Variants in ZBTB7C observed in about 807,000 individuals in gnomAD.
ZBTB7C encodes the protein zinc finger and BTB domain containing 7C.
ZBTB7C carries 8 observed loss-of-function variants against 25.7 expected under a neutral mutation model. The observed-to-expected ratio is 0.31, with a 90% CI of 0.18 to 0.56. ZBTB7C has a LOEUF of 0.56. Ranked by LOEUF, ZBTB7C falls within the 20% of genes least tolerant of loss-of-function variation. The pLI, the probability that ZBTB7C is intolerant of heterozygous loss-of-function variation, is 0.91. For synonymous variants in ZBTB7C, 394 were observed against 369.0 expected (o/e 1.07, Z -0.78); for missense variants, 824 against 855.2 (o/e 0.96, Z 0.46).
At chr18:48,081,205 A>G (rs1309455702) in intron 3 of ZBTB7C, among the ~76,000 whole-genome samples, 1 of 152,236 alleles carries the variant, frequency 6.6e-6, no homozygotes, top group Non-Finnish European at 1.5e-5. Context: ...GTCTCCAGAC[A>G]GTCAACAGCC....
chr18:48,220,009 A>G (rs988519585), intron 2 of ZBTB7C, among the ~76,000 whole-genome samples: 2 of 152,170 alleles, frequency 1.3e-5, no homozygotes, highest in African/African-American at 4.8e-5. Context: ...ATTTGTCCCA[A>G]AGACTTCTGT....
intron 2 of ZBTB7C, among the ~76,000 whole-genome samples, chr18:48,187,405 C>T (rs1021828108): frequency 6.6e-6 from 1 of 152,156 alleles, no homozygotes; most frequent in African/African-American, 2.4e-5. Flanking sequence ...ATACAGGCTA[C>T]AGCATGGATG....
chr18:48,262,594 A>C (rs1403299604), intron 2 of ZBTB7C, among the ~76,000 whole-genome samples: 8 of 152,228 alleles, frequency 5.3e-5, no homozygotes, highest in Non-Finnish European at 7.3e-5. Context: ...TAAGCCCTAC[A>C]GACTTACTTT....
intron 2 of ZBTB7C, among the ~76,000 whole-genome samples, chr18:48,303,815 C>T (rs1184085218): frequency 6.6e-6 from 1 of 152,204 alleles, no homozygotes; most frequent in African/African-American, 2.4e-5. Flanking sequence ...ATCCCTTTTT[C>T]AAGGTGAAAC....
intron 2 of ZBTB7C, among the ~76,000 whole-genome samples, chr18:48,303,412 T>C (rs1400338079): frequency 1.3e-5 from 2 of 152,194 alleles, no homozygotes; most frequent in South Asian, 4.1e-4. Context: ...TGCTATATGG[T>C]GTGACAGCAA....
intron 1 of ZBTB7C, among the ~76,000 whole-genome samples, chr18:48,379,092 T>C (rs1035619160): frequency 1.3e-5 from 2 of 152,216 alleles, no homozygotes; most frequent in Non-Finnish European, 2.9e-5. Context: ...CATTCAATCA[T>C]TACAGTATCA....
At chr18:48,189,914 G>C (rs1331605679) in intron 2 of ZBTB7C, among the ~76,000 whole-genome samples, 3 of 152,230 alleles carry the variant, frequency 2.0e-5, no homozygotes, top group African/African-American at 7.2e-5. Flanking sequence ...TCAAGGGCTG[G>C]CCTCTGCGGG....
At chr18:48,066,010 A>T (rs1346776855) in intron 3 of ZBTB7C, among the ~76,000 whole-genome samples, 1 of 152,104 alleles carries the variant, frequency 6.6e-6, no homozygotes, top group South Asian at 2.1e-4. Context: ...TAGGCAATGC[A>T]TGGAAGCTTC....
chr18:48,117,314 G>C (rs1020470588), intron 3 of ZBTB7C, among the ~76,000 whole-genome samples: 1 of 152,224 alleles, frequency 6.6e-6, no homozygotes, highest in Non-Finnish European at 1.5e-5. Context: ...GGGCAGATGG[G>C]AGTTAATGGA....
chr18:48,348,953 C>G (rs2046802549), intron 1 of ZBTB7C, among the ~76,000 whole-genome samples: 1 of 152,224 alleles, frequency 6.6e-6, no homozygotes, highest in Admixed American at 6.5e-5. Context: ...CCTGCTGCCC[C>G]TCTGCTCTCA....
intron 3 of ZBTB7C, among the ~76,000 whole-genome samples, chr18:48,117,850 C>T (rs191071660): frequency 1.1e-3 from 160 of 152,190 alleles, no homozygotes; most frequent in African/African-American, 3.5e-3. Flanking sequence ...TGGGCATATC[C>T]ACTTCACTGT....
At chr18:48,294,326 T>C (rs2045327446) in intron 2 of ZBTB7C, among the ~76,000 whole-genome samples, 3 of 152,146 alleles carry the variant, frequency 2.0e-5, no homozygotes, top group Admixed American at 2.0e-4. Flanking sequence ...AAAGCAGGGC[T>C]TAATTAAATT....
At chr18:48,036,697 C>T (rs775816477) in intron 4 of ZBTB7C, among the ~76,000 whole-genome samples, 2 of 152,118 alleles carry the variant, frequency 1.3e-5, no homozygotes, top group Non-Finnish European at 2.9e-5. Flanking sequence ...CAGGAAGTGG[C>T]GTGGCCTTGG....
At chr18:48,402,311 T>C (rs1288738533) in intron 1 of ZBTB7C, among the ~76,000 whole-genome samples, 1 of 152,032 alleles carries the variant, frequency 6.6e-6, no homozygotes, top group Non-Finnish European at 1.5e-5. Context: ...TCTTTCCTTG[T>C]CATGGTTAAA....
chr18:48,244,269 G>T (rs2043614133), intron 2 of ZBTB7C, among the ~76,000 whole-genome samples: 1 of 152,110 alleles, frequency 6.6e-6, no homozygotes. Flanking sequence ...CAAAAAATTA[G>T]CCAGGTGTGG....
chr18:48,272,303 G>A (rs772948455), intron 2 of ZBTB7C, among the ~76,000 whole-genome samples: 3 of 152,156 alleles, frequency 2.0e-5, no homozygotes, highest in African/African-American at 7.2e-5. Flanking sequence ...GCTTGAGCTG[G>A]GACATGCAAT....
At chr18:48,268,559 A>G (rs1468714341) in intron 2 of ZBTB7C, among the ~76,000 whole-genome samples, 1 of 152,062 alleles carries the variant, frequency 6.6e-6, no homozygotes, top group African/African-American at 2.4e-5. Context: ...GGGATGATGA[A>G]CTTGATTAGA....
intron 3 of ZBTB7C, among the ~76,000 whole-genome samples, chr18:48,052,863 A>G (rs2036751013): frequency 6.6e-6 from 1 of 152,168 alleles, no homozygotes; most frequent in African/African-American, 2.4e-5. Context: ...TGGTTCCAGG[A>G]TAGATCCTTG....
rs547214104 is a variant in ZBTB7C at position 48,265,826 on chromosome 18, G to A, written c.-79+72348C>T. Among the ~76,000 whole-genome samples, 11 of 152,292 alleles carry A rather than the reference G, an allele frequency of 7.2e-5. 1 individual carries two copies. Among genetic ancestry groups the A allele is most frequent in the South Asian group, 2.1e-4 (1 of 4,820 alleles). ...TCACAGACTGCAGGAGACTAAAGAC[G>A]CGTGTCAACTTGCTGTACCATGTGA... On this transcript the variant is annotated intron_variant, in intron 2 of 4. Coordinates refer to ENST00000590800, the MANE Select transcript of ZBTB7C (RefSeq NM_001318841.2).
Sources: allele counts gnomAD v4.1 joint callset (sites outside exome capture counted in the v4.1 genomes callset), GRCh38; gene constraint gnomAD v4.1.1; transcripts MANE v1.5; gene names NCBI Gene and HGNC (gene_info 2026-07-23, HGNC 2026-07-21).